Variants in AFG2A observed in about 807,000 individuals in gnomAD.
AFG2A encodes AAA ATPase AFG2A, also known as ATPase family gene 2 protein homolog A.
chr4:123,151,601 A>ATGG, the AFG2A span, among the ~76,000 whole-genome samples: 1 of 152,194 alleles, frequency 6.6e-6, no homozygotes, highest in Non-Finnish European at 1.5e-5. Context: ...ACCAGTTAGA[A>ATGG]TGGTGATCAT....
At chr4:123,127,585 T>C in the AFG2A span, among the ~76,000 whole-genome samples, 1 of 152,146 alleles carries the variant, frequency 6.6e-6, no homozygotes, top group Admixed American at 6.5e-5. Context: ...GGAATTAATT[T>C]TTTTAGATCA....
the AFG2A span, among the ~76,000 whole-genome samples, chr4:123,242,175 C>G: frequency 6.6e-6 from 1 of 152,136 alleles, no homozygotes; most frequent in Non-Finnish European, 1.5e-5. Flanking sequence ...GTGAAAATAT[C>G]CATACTGCCC....
the AFG2A span, among the ~76,000 whole-genome samples, chr4:123,228,312 C>T: frequency 6.6e-6 from 1 of 151,896 alleles, no homozygotes; most frequent in Non-Finnish European, 1.5e-5. Flanking sequence ...TTCTTCCTAG[C>T]CTTGATGGTC....
chr4:123,117,858 A>AT, the AFG2A span, among the ~76,000 whole-genome samples: 73 of 147,132 alleles, frequency 5.0e-4, no homozygotes, highest in South Asian at 3.5e-3. Context: ...TATTTTTTTA[A>AT]TTTTTTTTTT....
chr4:123,087,045 T>C, the AFG2A span, among the ~76,000 whole-genome samples: 13 of 152,254 alleles, frequency 8.5e-5, no homozygotes, highest in Admixed American at 7.9e-4. Flanking sequence ...CTAGTGTTTC[T>C]GCCACATTTG....
At chr4:123,226,490 C>G in the AFG2A span, among the ~76,000 whole-genome samples, 2 of 152,108 alleles carry the variant, frequency 1.3e-5, no homozygotes, top group Non-Finnish European at 1.5e-5. Context: ...GTCTTTGGTT[C>G]TGTTTATATG....
At chr4:123,098,355 ACTT>A in the AFG2A span, among the ~76,000 whole-genome samples, 2 of 151,882 alleles carry the variant, frequency 1.3e-5, no homozygotes, top group African/African-American at 4.8e-5. Context: ...TACTTCACAT[ACTT>A]CTTATTTTTT....
At chr4:123,226,301 G>T in the AFG2A span, among the ~76,000 whole-genome samples, 3 of 152,236 alleles carry the variant, frequency 2.0e-5, no homozygotes, top group East Asian at 5.8e-4. Flanking sequence ...GTTTTCAAAG[G>T]GAATGCTTCC....
chr4:123,207,218 TAA>T, the AFG2A span, among the ~76,000 whole-genome samples: 1 of 151,976 alleles, frequency 6.6e-6, no homozygotes, highest in Non-Finnish European at 1.5e-5. Context: ...CCTCAAATGT[TAA>T]GTCACATTCT....
chr4:123,047,259 T>C, the AFG2A span, among the ~76,000 whole-genome samples: 4 of 152,186 alleles, frequency 2.6e-5, no homozygotes, highest in Non-Finnish European at 5.9e-5. Context: ...CTCCAGCATT[T>C]CTTATTTTTG....
the AFG2A span, among the ~76,000 whole-genome samples, chr4:123,312,054 G>A: frequency 6.6e-6 from 1 of 152,094 alleles, no homozygotes; most frequent in Non-Finnish European, 1.5e-5. Context: ...GGCCACCATG[G>A]TACACATGCT....
chr4:123,037,580 T>A, the AFG2A span, among the ~76,000 whole-genome samples: 3 of 151,728 alleles, frequency 2.0e-5, no homozygotes, highest in Non-Finnish European at 4.4e-5. Context: ...ATACCTAAAC[T>A]CTGTAGTTAG....
chr4:123,203,019 T>C, the AFG2A span, among the ~76,000 whole-genome samples: 59 of 92,816 alleles, frequency 6.4e-4, no homozygotes, highest in Middle Eastern at 4.5e-3. Flanking sequence ...CGAGACTCCA[T>C]CTCTTAAGTA....
the AFG2A span, among the ~76,000 whole-genome samples, chr4:123,163,985 C>T: frequency 6.6e-6 from 1 of 152,196 alleles, no homozygotes; most frequent in Admixed American, 6.5e-5. Context: ...TTTAACTTCT[C>T]ATCAAAATAC....
chr4:123,195,583 C>G, the AFG2A span, among the ~76,000 whole-genome samples: 1 of 151,968 alleles, frequency 6.6e-6, no homozygotes, highest in East Asian at 1.9e-4. Flanking sequence ...ATATAAAATT[C>G]GAGTTTAACA....
the AFG2A span, among the ~76,000 whole-genome samples, chr4:123,198,566 A>T: frequency 6.6e-6 from 1 of 152,148 alleles, no homozygotes; most frequent in East Asian, 1.9e-4. Flanking sequence ...ACACATTCTT[A>T]ATTGAAGCTA....
chr4:123,157,421 A>G, the AFG2A span, among the ~76,000 whole-genome samples: 1 of 151,680 alleles, frequency 6.6e-6, no homozygotes, highest in South Asian at 2.1e-4. Flanking sequence ...GGCCACCTCT[A>G]CCCCCTACTT....
chr4:123,313,955 T>C, the AFG2A span: 4 of 1,613,196 alleles, frequency 2.5e-6, no homozygotes, highest in African/African-American at 2.7e-5. Context: ...AATCTCATCA[T>C]GAAAAGACAT....
chr4:122,954,985 T>TA, the AFG2A span, among the ~76,000 whole-genome samples: 1 of 152,184 alleles, frequency 6.6e-6, no homozygotes. Flanking sequence ...TTCCTGATCT[T>TA]ACGGTCTCGG....
Sources: gnomAD v4.1 joint callset for allele counts (sites outside exome capture counted in the v4.1 genomes callset) on GRCh38, gnomAD v4.1.1 for gene constraint, MANE v1.5 for transcripts, NCBI Gene and HGNC (gene_info 2026-07-23, HGNC 2026-07-21) for gene names.